The following RAB38 variants were observed in gnomAD, a reference collection of about 807,000 sequenced individuals.
RAB38 encodes RAB38, member RAS oncogene family, also known as ras-related protein Rab-38.
In RAB38, 15 loss-of-function variants were observed where a neutral mutation model predicts 18.4. The observed-to-expected ratio is 0.82, with a 90% CI of 0.55 to 1.26. RAB38 has a LOEUF of 1.26. Among genes scored for constraint, RAB38 ranks in the 50% most tolerant of loss-of-function variants. The probability of loss-of-function intolerance (pLI) is 0.00; values close to 1 mark genes in which losing one functional copy is unlikely to be tolerated. For missense variants in RAB38, 294 were observed against 267.4 expected (o/e 1.10, Z -0.69); for synonymous variants, 101 against 104.4 (o/e 0.97, Z 0.20).
chr11:87,848,837 A>G, the RAB38 span, among the ~76,000 whole-genome samples: 4 of 152,176 alleles, frequency 2.6e-5, no homozygotes, highest in Middle Eastern at 3.4e-3. Context: ...GAGGGAGAAA[A>G]TTAGTTATTA....
chr11:87,859,020 A>T, the RAB38 span, among the ~76,000 whole-genome samples: 1 of 151,858 alleles, frequency 6.6e-6, no homozygotes, highest in Non-Finnish European at 1.5e-5. Context: ...AAAGAAGAAC[A>T]TAACAAATAA....
intron 2 of RAB38, among the ~76,000 whole-genome samples, chr11:88,127,859 G>A (rs564128913): frequency 9.2e-5 from 14 of 152,258 alleles, no homozygotes; most frequent in African/African-American, 3.1e-4. Flanking sequence ...TCACACACAT[G>A]TACAATTACT....
the RAB38 span, among the ~76,000 whole-genome samples, chr11:87,935,367 T>G: frequency 3.3e-4 from 50 of 152,140 alleles, 2 homozygotes; most frequent in African/African-American, 1.1e-3. Flanking sequence ...GATTCAAAAT[T>G]ATTATTTTCT....
the RAB38 span, among the ~76,000 whole-genome samples, chr11:88,018,462 C>T: frequency 6.6e-6 from 1 of 152,052 alleles, no homozygotes; most frequent in Non-Finnish European, 1.5e-5. Context: ...TACAATAACC[C>T]CATTTATCTA....
the RAB38 span, among the ~76,000 whole-genome samples, chr11:88,065,965 T>A: frequency 2.0e-5 from 3 of 152,208 alleles, no homozygotes; most frequent in Non-Finnish European, 2.9e-5. Flanking sequence ...TTGATAAGTT[T>A]AGAAACTCCT....
chr11:87,954,220 T>C, the RAB38 span, among the ~76,000 whole-genome samples: 1 of 152,172 alleles, frequency 6.6e-6, no homozygotes, highest in East Asian at 1.9e-4. Flanking sequence ...TGATTGTCCT[T>C]CTTGTGAGAG....
chr11:87,810,643 A>G, the RAB38 span, among the ~76,000 whole-genome samples: 2 of 152,198 alleles, frequency 1.3e-5, no homozygotes, highest in Non-Finnish European at 2.9e-5. Flanking sequence ...TAATAATTCT[A>G]TGAGCCAATG....
chr11:87,833,686 A>G, the RAB38 span, among the ~76,000 whole-genome samples: 14 of 152,342 alleles, frequency 9.2e-5, no homozygotes, highest in South Asian at 2.9e-3. Context: ...CAGAGTTGTT[A>G]AATAACTTGT....
chr11:88,032,233 G>C, the RAB38 span, among the ~76,000 whole-genome samples: 4 of 152,184 alleles, frequency 2.6e-5, no homozygotes, highest in East Asian at 7.7e-4. Context: ...ATCAATTCAA[G>C]ATGGATGAAA....
the RAB38 span, among the ~76,000 whole-genome samples, chr11:87,969,590 A>G: frequency 1.3e-5 from 2 of 152,186 alleles, no homozygotes; most frequent in Non-Finnish European, 2.9e-5. Flanking sequence ...ACATCCAAAG[A>G]GGCAAGTCAA....
the RAB38 span, among the ~76,000 whole-genome samples, chr11:87,957,012 G>A: frequency 9.9e-5 from 15 of 151,188 alleles, no homozygotes; most frequent in African/African-American, 1.5e-4. Context: ...CCTCATTTCC[G>A]AACGCTCTCA....
the RAB38 span, among the ~76,000 whole-genome samples, chr11:87,821,289 A>G: frequency 6.6e-6 from 1 of 152,244 alleles, no homozygotes; most frequent in Non-Finnish European, 1.5e-5. Context: ...AGAAGCAACC[A>G]CAGATGCTAG....
chr11:88,122,308 T>G (rs1358063703), intron 2 of RAB38, among the ~76,000 whole-genome samples: 3 of 152,198 alleles, frequency 2.0e-5, no homozygotes, highest in African/African-American at 7.2e-5. Flanking sequence ...ATTCAGTAAG[T>G]TTTTAATTGT....
the RAB38 span, among the ~76,000 whole-genome samples, chr11:88,075,650 C>T: frequency 6.6e-6 from 1 of 152,020 alleles, no homozygotes; most frequent in Admixed American, 6.6e-5. Flanking sequence ...GAAAGTCAAG[C>T]TGGGCAGATC....
chr11:87,970,987 G>C, the RAB38 span, among the ~76,000 whole-genome samples: 2 of 152,068 alleles, frequency 1.3e-5, no homozygotes, highest in African/African-American at 4.8e-5. Context: ...AAAACAAAGA[G>C]AGCACCTGAG....
In RAB38 at chr11:88,152,377, T is replaced by C. The variant is rs181757394; in HGVS notation, c.203-2422A>G. 2.0e-5 allele frequency among the ~76,000 whole-genome samples: 3 copies of C among 152,294 alleles called. No homozygotes were observed. In the East Asian group the frequency reaches 5.8e-4, roughly 29 times the overall value. On this transcript the variant is annotated intron_variant, in intron 1 of 2. Coordinates refer to ENST00000243662, the MANE Select transcript of RAB38 (RefSeq NM_022337.3). ...TATTTTAAGACCATACAAAAAGCAATACATAGGCTATAACTTCATAGAGAA... is the reference window on the plus strand; with the variant it reads ...TATTTTAAGACCATACAAAAAGCAACACATAGGCTATAACTTCATAGAGAA...
the RAB38 span, among the ~76,000 whole-genome samples, chr11:88,049,716 G>C: frequency 6.6e-6 from 1 of 152,204 alleles, no homozygotes; most frequent in Non-Finnish European, 1.5e-5. Context: ...CCGTGAGAAA[G>C]ATCCACCTAC....
chr11:88,028,006 G>A, the RAB38 span, among the ~76,000 whole-genome samples: 12 of 152,148 alleles, frequency 7.9e-5, no homozygotes, highest in Non-Finnish European at 1.3e-4. Context: ...CACCTCACTC[G>A]GCCTGGTACT....
chr11:87,817,468 C>T, the RAB38 span: 2 of 152,022 alleles, frequency 1.3e-5, no homozygotes, highest in Non-Finnish European at 2.9e-5. Flanking sequence ...ATTGATAAAT[C>T]GATACTAACT....
Sources: gnomAD v4.1 joint callset for allele counts (sites outside exome capture counted in the v4.1 genomes callset) on GRCh38, gnomAD v4.1.1 for gene constraint, MANE v1.5 for transcripts, NCBI Gene and HGNC (gene_info 2026-07-23, HGNC 2026-07-21) for gene names.